Variants in LONRF2 observed in about 807,000 individuals in gnomAD.
LONRF2 encodes the protein LON peptidase N-terminal domain and ring finger 2, also known as LON peptidase N-terminal domain and RING finger protein 2.
A neutral mutation model predicts 66.6 loss-of-function variants in LONRF2; 35 were observed. The observed-to-expected ratio is 0.53, with a 90% CI of 0.40 to 0.70. LONRF2 has a LOEUF of 0.70. LONRF2 is among the 30% of genes least tolerant of loss of function. The pLI is 0.00. For missense variants in LONRF2, 902 were observed against 1,002.1 expected, an observed-to-expected ratio of 0.90 and a Z score of 1.35; for synonymous variants, 417 against 418.1, an observed-to-expected ratio of 1.00 and a Z score of 0.03.
intron 10 of LONRF2, among the ~76,000 whole-genome samples, chr2:100,289,383 C>T (rs1349380900): frequency 2.0e-5 from 3 of 151,574 alleles, no homozygotes; most frequent in African/African-American, 4.9e-5. Context: ...AATCAAAAGC[C>T]TATTTTGCAA....
chr2:100,290,227 C>G, intron 10 of LONRF2, 31 bp downstream of exon 10: 8 of 1,586,326 alleles, frequency 5.0e-6, no homozygotes, highest in Non-Finnish European at 6.9e-6. Context: ...GGACCGACTG[C>G]TATAAAATAC....
Position 100,283,163 on chromosome 2 carries a change from T to C in LONRF2, c.*1135A>G, listed in dbSNP as rs1264021519. ...AACGTGCATTACAGGATGGAAGTCA[T>C]ACTACTGTCCTTTAACAGATAACAC... On this transcript the variant is annotated 3_prime_UTR_variant, in exon 12 of 12. Transcript: ENST00000393437. 5 of 152,310 alleles carry C rather than the reference T, an allele frequency of 3.3e-5. No individual in the cohort carries two copies. Among genetic ancestry groups the C allele is most frequent in the Admixed American group, 2.6e-4 (4 of 15,298 alleles). 9.4% of individuals were successfully genotyped at this position (152,310 alleles called of 1,614,324 possible).
Position 100,273,794 on chromosome 2 carries a change from G to A in LONRF2, c.*10504C>T, listed in dbSNP as rs1032841904. On this transcript the variant is annotated 3_prime_UTR_variant, in exon 12 of 12. Coordinates refer to ENST00000393437, the MANE Select transcript of LONRF2 (RefSeq NM_198461.4). ...AAAAATACACATTCAATTCCTAATT[G>A]GTAAAATCATTTCACAACTCTAAAA... 1 of 152,056 alleles carries A rather than the reference G, an allele frequency of 6.6e-6. No homozygotes were observed. The highest frequency in any genetic ancestry group is 1.5e-5 in the Non-Finnish European group (1 of 68,010). 9.4% of individuals were successfully genotyped at this position (152,056 alleles called of 1,614,324 possible).
chr2:100,300,629 G>A lies in LONRF2; in HGVS notation c.1065+15C>T. ...CTTAATCAAGAGAATCCTGACAAAT[G>A]CATGCACGTCATACCTCCGAGCTCC... On this transcript the variant is annotated intron_variant, in intron 4 of 11. Transcript: ENST00000393437. The A allele has an allele frequency of 6.3e-7, 1 of 1,589,254 alleles. No individual in the cohort carries two copies. Among genetic ancestry groups the A allele is most frequent in the South Asian group, 1.2e-5 (1 of 85,768 alleles).
At chr2:100,300,026 G>GGT in intron 4 of LONRF2, 108 bp from the exon 5 acceptor site, 6 of 488,788 alleles carry the variant, frequency 1.2e-5, no homozygotes, top group Admixed American at 3.4e-5. Flanking sequence ...AAAAGGGGGG[G>GGT]GCATACACTC....
Position 100,322,053 on chromosome 2 carries a change from C to G in LONRF2, c.41G>C (p.Cys14Ser). The G allele has an allele frequency of 7.6e-7, 1 of 1,320,232 alleles. No individual in the cohort carries two copies. Among genetic ancestry groups the G allele is most frequent in the Non-Finnish European group, 9.6e-7 (1 of 1,036,462 alleles). 81.8% of individuals were successfully genotyped at this position (1,320,232 alleles called of 1,614,324 possible). A position where few individuals can be genotyped will look rare whatever the true frequency, so the allele number is the denominator to read the frequency against. ...EPVPPPPPPQ[C>S]PGCDRAEPIA... ...CGGCTCCGCGCGGTCGCAGCCAGGA[C>G]ACTGGGGCGGCGGCGGCGGCGGGAC... Residue 14 changes from cysteine (C) to serine (S), a missense_variant, in exon 1 of 12, where the codon TGT (cysteine) becomes TCT (serine). Cys to Ser is a moderately radical substitution (Grantham distance 112). Coordinates refer to ENST00000393437, the MANE Select transcript of LONRF2 (RefSeq NM_198461.4).
chr2:100,292,361 C>T (rs2105718903), intron 9 of LONRF2, among the ~76,000 whole-genome samples: 1 of 152,178 alleles, frequency 6.6e-6, no homozygotes, highest in East Asian at 1.9e-4. Context: ...TCCAGACCTG[C>T]ACTCTGATGC....
At chr2:100,300,220 C>T (rs770558513) in intron 4 of LONRF2, among the ~76,000 whole-genome samples, 10 of 150,884 alleles carry the variant, frequency 6.6e-5, no homozygotes, top group Non-Finnish European at 1.5e-4. Context: ...CACATAAAAT[C>T]ATATATCATA....
intron 8 of LONRF2, among the ~76,000 whole-genome samples, chr2:100,294,647 T>C: frequency 6.6e-6 from 1 of 152,200 alleles, no homozygotes; most frequent in East Asian, 1.9e-4. Context: ...GGAAAAGTTA[T>C]ACCTTTTAAG....
In LONRF2 at chr2:100,274,279, G is replaced by A. The variant is rs1674553986; in HGVS notation, c.*10019C>T. 1 of 152,208 alleles carries A rather than the reference G, an allele frequency of 6.6e-6. No homozygotes were observed. The highest frequency in any genetic ancestry group is 2.4e-5 in the African/African-American group (1 of 41,438). The allele number at this position is 152,208 out of a possible 1,614,324, so 9.4% of individuals were successfully genotyped here. A position where few individuals can be genotyped will look rare whatever the true frequency, so the allele number is the denominator to read the frequency against. ...GCCCCTCCCTGCTCTGAGTGACTGA[G>A]AGAACTTCCTTAGCTGCAGGGCTGC... On this transcript the variant is annotated 3_prime_UTR_variant, in exon 12 of 12. Transcript: ENST00000393437.
At chr2:100,287,187 T>C (rs1260765932) in intron 10 of LONRF2, 124 bp from the exon 11 acceptor site, 8 of 902,676 alleles carry the variant, frequency 8.9e-6, no homozygotes, top group Admixed American at 3.5e-5. Context: ...TTCATCAGTT[T>C]CACAAAAATG....
chr2:100,272,536 T>A lies in LONRF2; in HGVS notation c.*11762A>T, dbSNP rs963257077. On this transcript the variant is annotated 3_prime_UTR_variant, in exon 12 of 12. Coordinates refer to ENST00000393437, the MANE Select transcript of LONRF2 (RefSeq NM_198461.4). ...TAAATAAATAAATAAACAAACAAAC[T>A]AACCAGAGTATGTAGGTTAAAAAAA... Among the ~76,000 whole-genome samples, 3 of 149,348 alleles carry A rather than the reference T, an allele frequency of 2.0e-5. No individual in the cohort carries two copies. The highest frequency in any genetic ancestry group is 5.0e-5 in the African/African-American group (2 of 40,352).
chr2:100,283,541 T>G lies in LONRF2; in HGVS notation c.*757A>C, dbSNP rs1674781468. 6.6e-6 allele frequency: 1 copy of G among 150,526 alleles called. No individual in the cohort carries two copies. The allele number at this position is 150,526 out of a possible 1,614,324, so 9.3% of individuals were successfully genotyped here. ...GGTGGTTTTATGTTTGACATCCCAA[T>G]GCATATACAATTTTAACTCACTTTA... On this transcript the variant is annotated 3_prime_UTR_variant, in exon 12 of 12. Transcript: ENST00000393437.
chr2:100,300,055 A>C, intron 4 of LONRF2, 137 bp from the exon 5 acceptor site: 2 of 605,404 alleles, frequency 3.3e-6, no homozygotes, highest in Non-Finnish European at 5.7e-6. Context: ...AATTGGTTTC[A>C]TCTGTTAATT....
chr2:100,285,045 C>A (rs966222599), intron 11 of LONRF2, among the ~76,000 whole-genome samples: 1 of 152,152 alleles, frequency 6.6e-6, no homozygotes, highest in African/African-American at 2.4e-5. Context: ...TTCACATAAT[C>A]AAACAAAGCA....
chr2:100,313,066 T>C (rs1473633873), intron 1 of LONRF2, among the ~76,000 whole-genome samples: 3 of 152,204 alleles, frequency 2.0e-5, no homozygotes, highest in African/African-American at 7.2e-5. Flanking sequence ...CTACCACAAC[T>C]GTGTTTAGGG....
chr2:100,295,448 T>C lies in LONRF2; in HGVS notation c.1582A>G (p.Met528Val). ...SDRKRIYDEE[M>V]SELSNLTRDV... ...AGCACTTACTTTGACAGTTCTGACA[T>C]TTCTTCATCATAAATTCTCTTCCTA... Residue 528 changes from methionine to valine, a missense_variant, in exon 8 of 12, where the codon ATG becomes GTG. Coordinates refer to ENST00000393437, the MANE Select transcript of LONRF2 (RefSeq NM_198461.4). 6.2e-7 allele frequency: 1 copy of C among 1,613,872 alleles called. No individual in the cohort carries two copies. The highest frequency in any genetic ancestry group is 8.5e-7 in the Non-Finnish European group (1 of 1,179,906).
At position 100,321,705 on chromosome 2, in the gene LONRF2, G is replaced by C. The variant is rs1049336835; in HGVS notation, c.389C>G (p.Pro130Arg). 8.4e-7 allele frequency: 1 copy of C among 1,193,500 alleles called. No homozygotes were observed. The highest frequency in any genetic ancestry group is 1.0e-6 in the Non-Finnish European group (1 of 966,182). The allele number at this position is 1,193,500 out of a possible 1,614,324, so 73.9% of individuals were successfully genotyped here. A position where few individuals can be genotyped will look rare whatever the true frequency, so the allele number is the denominator to read the frequency against. Reference protein sequence around the residue: ...GEPEAPGEGGPAPEPRAPRDL... With the variant: ...GEPEAPGEGGRAPEPRAPRDL... ...GCGGGGCGCGCGGGGCTCCGGGGCC[G>C]GCCCTCCCTCGCCGGGCGCCTCGGG... Residue 130 changes from proline (P) to arginine (R), a missense_variant, in exon 1 of 12, where the codon CCG becomes CGG. Around this residue, in one of 2 missense-constraint regions of LONRF2, gnomAD observed 585 missense variants for 569.9 expected, o/e 1.03. Transcript: ENST00000393437.
In LONRF2 at chr2:100,278,294, A is replaced by G. The variant is rs1180373712; in HGVS notation, c.*6004T>C. On this transcript the variant is annotated 3_prime_UTR_variant, in exon 12 of 12. Transcript: ENST00000393437. Reference sequence around the variant, plus strand: ...ATTCTTGTATATAAAAGCTCATTACATATTGGGGCCTTCCATAATGTTTCC... The same window carrying G: ...ATTCTTGTATATAAAAGCTCATTACGTATTGGGGCCTTCCATAATGTTTCC... 1 of 152,138 alleles carries G rather than the reference A, an allele frequency of 6.6e-6. No homozygotes were observed. Among genetic ancestry groups the G allele is most frequent in the Non-Finnish European group, 1.5e-5 (1 of 68,028 alleles). 9.4% of individuals were successfully genotyped at this position (152,138 alleles called of 1,614,324 possible).
Sources: gnomAD v4.1 joint callset for allele counts (sites outside exome capture counted in the v4.1 genomes callset) on GRCh38, gnomAD v4.1.1 for gene constraint, gnomAD v4.1.1 regional missense constraint, MANE v1.5 for transcripts, NCBI Gene and HGNC (gene_info 2026-07-23, HGNC 2026-07-21) for gene names.